CAPN9: variants seen among roughly 807,000 people sequenced by gnomAD.
CAPN9 encodes calpain 9, also known as calpain-9.
Under a neutral mutation model 92.8 loss-of-function variants are expected in CAPN9, and 81 were observed. The observed-to-expected ratio is 0.87, with a 90% CI of 0.73 to 1.05. The LOEUF is 1.05. Ranked by LOEUF, CAPN9 falls within the 50% of genes least tolerant of loss-of-function variation. The pLI is 0.00. For missense variants in CAPN9, 848 were observed against 866.2 expected (o/e 0.98, Z 0.26); for synonymous variants, 304 against 328.0 (o/e 0.93, Z 0.79).
chr1:230,790,201 C>T lies in CAPN9; in HGVS notation c.1657+12C>T. 1 of 1,613,916 alleles carries T rather than the reference C, an allele frequency of 6.2e-7. No individual in the cohort carries two copies. The highest frequency in any genetic ancestry group is 1.1e-5 in the South Asian group (1 of 91,020). Reference sequence around the variant, plus strand: ...TGTGCTGCAAAAGAGTAAGTGCCAACCCCATCGGGGTCCTGGGGCACCTAT... The same window carrying T: ...TGTGCTGCAAAAGAGTAAGTGCCAATCCCATCGGGGTCCTGGGGCACCTAT... On this transcript the variant is annotated intron_variant, in intron 14 of 19. Transcript: ENST00000271971.
At chr1:230,759,407 G>C (rs1209430030) in intron 2 of CAPN9, 105 bp from the exon 3 acceptor site, 6 of 743,860 alleles carry the variant, frequency 8.1e-6, no homozygotes, top group Non-Finnish European at 1.4e-5. Context: ...AGGTAGAAAA[G>C]ATGTGGCCAC....
intron 9 of CAPN9, 129 bp downstream of exon 9, chr1:230,779,262 A>G (rs1667046867): frequency 1.2e-6 from 1 of 809,710 alleles, no homozygotes; most frequent in East Asian, 2.6e-5. Flanking sequence ...TGACTGGGGA[A>G]AAAAGGCTGC....
In CAPN9 at chr1:230,781,945, C is replaced by T. The variant is rs28359692; in HGVS notation, c.1481+1237C>T. On this transcript the variant is annotated intron_variant, in intron 11 of 19. Transcript: ENST00000271971. ...AGTCTTTAATTTTTAAACACTCTACCAGAGAATTTTTCTCCAGCCTTCTCC... is the reference window on the plus strand; with the variant it reads ...AGTCTTTAATTTTTAAACACTCTACTAGAGAATTTTTCTCCAGCCTTCTCC... Among the ~76,000 whole-genome samples, 485 of 152,288 alleles carry T rather than the reference C, an allele frequency of 3.2e-3. 2 individuals are homozygous for T. Among genetic ancestry groups the T allele is most frequent in the Non-Finnish European group, 5.8e-3 (396 of 68,026 alleles).
At chr1:230,786,079 T>G (rs1667564430) in intron 12 of CAPN9, 62 bp downstream of exon 12, 1 of 1,608,672 alleles carries the variant, frequency 6.2e-7, no homozygotes, top group Admixed American at 1.7e-5. Flanking sequence ...AAACCTTCCT[T>G]CTAATCACAG....
intron 1 of CAPN9, among the ~76,000 whole-genome samples, chr1:230,751,609 G>GAAAGAA (rs1443186653): frequency 9.4e-5 from 3 of 31,884 alleles, no homozygotes; most frequent in East Asian, 1.1e-3. Flanking sequence ...AAGAAAGAAA[G>GAAAGAA]AGAAAGAAAG....
chr1:230,774,288 T>C (rs999264099), intron 7 of CAPN9, among the ~76,000 whole-genome samples: 3 of 152,214 alleles, frequency 2.0e-5, no homozygotes, highest in Non-Finnish European at 4.4e-5. Flanking sequence ...TATCCCAAGA[T>C]AATCTTCCAT....
rs527657560 is a variant in CAPN9 at position 230,796,439 on chromosome 1, C to T, written c.1987+1160C>T. Among the ~76,000 whole-genome samples, 12 of 152,144 alleles carry T rather than the reference C, an allele frequency of 7.9e-5. No homozygotes were observed. In the South Asian group the frequency reaches 2.3e-3, roughly 29 times the overall value. On this transcript the variant is annotated intron_variant, in intron 18 of 19. Coordinates refer to ENST00000271971, the MANE Select transcript of CAPN9 (RefSeq NM_006615.3). ...ACCCTTGGTTATCAGCATGATAGCT[C>T]CCTCTGCTTCTTTGGTAATAGAACA...
At chr1:230,766,006 G>T (rs889907941) in intron 4 of CAPN9, among the ~76,000 whole-genome samples, 5 of 152,202 alleles carry the variant, frequency 3.3e-5, no homozygotes, top group Non-Finnish European at 7.3e-5. Flanking sequence ...CATGTGGACG[G>T]CAGGTACTCT....
intron 2 of CAPN9, among the ~76,000 whole-genome samples, chr1:230,756,995 A>G (rs368469445): frequency 0.057 from 2,555 of 45,084 alleles, 94 homozygotes; most frequent in African/African-American, 0.16. Flanking sequence ...AGAGGGAGGA[A>G]GGGAGGGAGG....
At chr1:230,769,087 G>T in intron 5 of CAPN9, 93 bp from the exon 6 acceptor site, 1 of 977,766 alleles carries the variant, frequency 1.0e-6, no homozygotes, top group Non-Finnish European at 1.6e-6. Context: ...GGGGCTGGAG[G>T]TTGTGACCGG....
chr1:230,772,070 G>A lies in CAPN9; in HGVS notation c.846G>A (p.Gln282=), dbSNP rs1666417796. 1 of 1,614,152 alleles carries A rather than the reference G, an allele frequency of 6.2e-7. No individual in the cohort carries two copies. The highest frequency in any genetic ancestry group is 1.3e-5 in the African/African-American group (1 of 74,962). Residue 282 remains glutamine, a synonymous_variant, in exon 7 of 20, where the codon CAG becomes CAA. Coordinates refer to ENST00000271971, the MANE Select transcript of CAPN9 (RefSeq NM_006615.3). Reference sequence around the variant, plus strand: ...TCCGAATCCGGAACCCTTGGGGCCAGGTTGAGTGGAACGGGTCGTGGAGCG... The same window carrying A: ...TCCGAATCCGGAACCCTTGGGGCCAAGTTGAGTGGAACGGGTCGTGGAGCG... ...ELIRIRNPWG[Q]VEWNGSWSDS...
At chr1:230,762,501 G>A (rs746413933) in intron 3 of CAPN9, 152 bp from the exon 4 acceptor site, 15 of 791,994 alleles carry the variant, frequency 1.9e-5, no homozygotes, top group South Asian at 8.9e-5. Flanking sequence ...AAGCCCAGGT[G>A]CCCTACCTTG....
intron 8 of CAPN9, among the ~76,000 whole-genome samples, chr1:230,774,868 A>G (rs927069663): frequency 6.6e-6 from 1 of 150,950 alleles, no homozygotes; most frequent in South Asian, 2.1e-4. Context: ...CAGCCTCCCA[A>G]GCAGCTGAGA....
chr1:230,789,883 C>T (rs999813119), intron 13 of CAPN9, among the ~76,000 whole-genome samples: 3 of 152,096 alleles, frequency 2.0e-5, no homozygotes, highest in South Asian at 2.1e-4. Flanking sequence ...GCTTTTCATG[C>T]GCTTTCCTGG....
intron 12 of CAPN9, among the ~76,000 whole-genome samples, chr1:230,787,191 A>C (rs1475443554): frequency 6.6e-6 from 1 of 152,230 alleles, no homozygotes; most frequent in Non-Finnish European, 1.5e-5. Context: ...ATTCCAGTCC[A>C]GGGTGGTAAG....
chr1:230,795,358 T>A (rs1325709847), intron 18 of CAPN9, 79 bp downstream of exon 18: 6 of 827,488 alleles, frequency 7.3e-6, no homozygotes, highest in Non-Finnish European at 1.0e-5. Flanking sequence ...AGAAACAGCC[T>A]GGTTAAAGTA....
intron 4 of CAPN9, 151 bp from the exon 5 acceptor site, chr1:230,767,390 T>C (rs991998590): frequency 1.7e-6 from 1 of 595,782 alleles, no homozygotes; most frequent in African/African-American, 1.9e-5. Context: ...CAAACCCTGA[T>C]AACTTGCTTC....
intron 2 of CAPN9, among the ~76,000 whole-genome samples, chr1:230,756,716 G>A (rs960190639): frequency 1.3e-5 from 2 of 152,044 alleles, no homozygotes; most frequent in Non-Finnish European, 2.9e-5. Flanking sequence ...CAGGAGAATC[G>A]CTTGAGCCGA....
rs1418407721 is a variant in CAPN9, at chr1:230,759,631, G to T, written c.402+1G>T. 2.5e-6 allele frequency: 4 copies of T among 1,596,072 alleles called. No individual in the cohort carries two copies. In the African/African-American group the frequency reaches 5.4e-5, roughly 22 times the overall value. On this transcript the variant is annotated splice_donor_variant, in intron 3 of 19. Transcript: ENST00000271971. LOFTEE classifies it high-confidence loss of function. ...TTATGCCGGGATATTCCATTTCCAGGTAAGAGGGAGCCCTGGGCCAGTGGG... is the reference window on the plus strand; with the variant it reads ...TTATGCCGGGATATTCCATTTCCAGTTAAGAGGGAGCCCTGGGCCAGTGGG...
Sources: allele counts gnomAD v4.1 joint callset (sites outside exome capture counted in the v4.1 genomes callset), GRCh38; gene constraint gnomAD v4.1.1; transcripts MANE v1.5; gene names NCBI Gene and HGNC (gene_info 2026-07-23, HGNC 2026-07-21).